The following TMCO5A variants were observed in gnomAD, a reference collection of about 807,000 sequenced individuals.
The protein encoded by TMCO5A is transmembrane and coiled-coil domain-containing protein 5A.
A neutral mutation model predicts 42.3 loss-of-function variants in TMCO5A; 34 were observed. The ratio of observed to expected loss-of-function variants is 0.80; its 90% CI spans 0.61 to 1.07. The LOEUF (loss-of-function observed/expected upper bound fraction) is 1.07. Ranked by LOEUF, TMCO5A falls within the 50% of genes least tolerant of loss-of-function variation. The pLI, the probability that TMCO5A is intolerant of heterozygous loss-of-function variation, is 0.00. For missense variants in TMCO5A, 357 were observed against 327.9 expected (o/e 1.09, Z -0.69); for synonymous variants, 131 against 115.6 (o/e 1.13, Z -0.86).
At chr15:38,027,872 A>G in the TMCO5A span, among the ~76,000 whole-genome samples, 1 of 152,016 alleles carries the variant, frequency 6.6e-6, no homozygotes, top group African/African-American at 2.4e-5. Flanking sequence ...GCCATGTAAG[A>G]CGTGCCTTTG....
At chr15:37,938,462 A>G (rs867310129) in intron 6 of TMCO5A, among the ~76,000 whole-genome samples, 6 of 152,132 alleles carry the variant, frequency 3.9e-5, no homozygotes, top group African/African-American at 1.4e-4. Flanking sequence ...GCACAAATGC[A>G]TATGTAAAAT....
the TMCO5A span, among the ~76,000 whole-genome samples, chr15:37,979,369 T>C: frequency 6.6e-6 from 1 of 151,944 alleles, no homozygotes; most frequent in Non-Finnish European, 1.5e-5. Context: ...CCGAGGGCAG[T>C]GCAGGGCTGC....
downstream of TMCO5A, among the ~76,000 whole-genome samples, chr15:37,969,189 T>C (rs1417034093): frequency 6.6e-6 from 1 of 152,160 alleles, no homozygotes; most frequent in Non-Finnish European, 1.5e-5. Context: ...AAAAATGACA[T>C]GCCACATATT....
downstream of TMCO5A, among the ~76,000 whole-genome samples, chr15:37,952,707 A>C (rs1246924768): frequency 6.6e-6 from 1 of 152,166 alleles, no homozygotes; most frequent in Admixed American, 6.5e-5. Context: ...AGCAAAGTGG[A>C]CTTTGTCTTC....
At chr15:37,957,901 T>G (rs374857173) in intron 11 of TMCO5A, among the ~76,000 whole-genome samples, 1 of 151,706 alleles carries the variant, frequency 6.6e-6, no homozygotes, top group Non-Finnish European at 1.5e-5. Flanking sequence ...ATATATAGAC[T>G]AATGGAACAG....
chr15:38,033,456 C>CAT, the TMCO5A span, among the ~76,000 whole-genome samples: 1 of 152,076 alleles, frequency 6.6e-6, no homozygotes, highest in Non-Finnish European at 1.5e-5. Flanking sequence ...CACCTAGAAA[C>CAT]ATATGAGAAT....
At chr15:37,996,967 C>T in the TMCO5A span, among the ~76,000 whole-genome samples, 1 of 152,174 alleles carries the variant, frequency 6.6e-6, no homozygotes, top group African/African-American at 2.4e-5. Context: ...AACATACATT[C>T]TAACTGAGAA....
At chr15:37,995,898 G>A in the TMCO5A span, among the ~76,000 whole-genome samples, 2 of 151,552 alleles carry the variant, frequency 1.3e-5, no homozygotes, top group African/African-American at 2.4e-5. Context: ...TCCACACGAT[G>A]GTGCTAGCCT....
chr15:37,986,027 G>GA, the TMCO5A span, among the ~76,000 whole-genome samples: 1 of 151,806 alleles, frequency 6.6e-6, no homozygotes, highest in Non-Finnish European at 1.5e-5. Flanking sequence ...TTTGGAACTA[G>GA]AAAAAAACAA....
At chr15:37,948,472 C>G (rs953192174) in intron 11 of TMCO5A, among the ~76,000 whole-genome samples, 1 of 152,012 alleles carries the variant, frequency 6.6e-6, no homozygotes, top group Non-Finnish European at 1.5e-5. Flanking sequence ...CCCCTTCATA[C>G]CAGATAAATG....
In TMCO5A at chr15:37,951,203, C is replaced by T. The variant is rs1240940932; in HGVS notation, c.836C>T (p.Thr279Ile). ...KLRCFFFPSL[T>I]LETEDMLPH ...AGATGCTTCTTCTTTCCATCTCTCACACTTGAGACAGAGGACATGTTACCC... is the reference window on the plus strand; with the variant it reads ...AGATGCTTCTTCTTTCCATCTCTCATACTTGAGACAGAGGACATGTTACCC... The change falls in exon 12 of 12, where the codon ACA (threonine) becomes ATA (isoleucine). Residue 279 changes from threonine (T) to isoleucine (I), a missense_variant. Transcript: ENST00000319669. 1.3e-5 allele frequency: 21 copies of T among 1,613,690 alleles called. No individual in the cohort carries two copies. The highest frequency in any genetic ancestry group is 1.6e-5 in the Non-Finnish European group (19 of 1,179,848).
downstream of TMCO5A, among the ~76,000 whole-genome samples, chr15:37,970,673 A>C (rs1433390470): frequency 6.6e-6 from 1 of 152,214 alleles, no homozygotes; most frequent in Non-Finnish European, 1.5e-5. Context: ...TACTTCCTAG[A>C]GACAATGGGG....
chr15:37,961,595 G>A (rs114534978), intron 11 of TMCO5A, among the ~76,000 whole-genome samples: 2,128 of 151,706 alleles, frequency 0.014, 57 homozygotes, highest in African/African-American at 0.049. Context: ...ATTTTGATGG[G>A]GATTGCATTC....
chr15:38,033,806 G>T, the TMCO5A span, among the ~76,000 whole-genome samples: 68 of 151,996 alleles, frequency 4.5e-4, no homozygotes, highest in African/African-American at 1.6e-3. Context: ...TAGAGACAGG[G>T]TTTCACCATG....
chr15:37,957,442 C>A (rs1425960445), intron 11 of TMCO5A, among the ~76,000 whole-genome samples: 2 of 17,816 alleles, frequency 1.1e-4, no homozygotes, highest in Non-Finnish European at 6.8e-4. Flanking sequence ...TCCTGTACAC[C>A]AATAATAGAC....
At chr15:37,958,933 G>A (rs949387988) in intron 11 of TMCO5A, among the ~76,000 whole-genome samples, 1 of 152,050 alleles carries the variant, frequency 6.6e-6, no homozygotes, top group East Asian at 1.9e-4. Context: ...GGACTACTAT[G>A]CAGCCATAAA....
chr15:37,963,243 G>T (rs553061340), intron 11 of TMCO5A, among the ~76,000 whole-genome samples: 1 of 151,952 alleles, frequency 6.6e-6, no homozygotes, highest in Non-Finnish European at 1.5e-5. Flanking sequence ...TGTTTTGACA[G>T]GTTGTGTCAT....
At chr15:38,034,749 C>T in the TMCO5A span, among the ~76,000 whole-genome samples, 2 of 152,180 alleles carry the variant, frequency 1.3e-5, no homozygotes, top group African/African-American at 2.4e-5. Context: ...TACCAGACAG[C>T]TCCACCAGGA....
chr15:37,996,570 T>C, the TMCO5A span, among the ~76,000 whole-genome samples: 1 of 152,206 alleles, frequency 6.6e-6, no homozygotes, highest in African/African-American at 2.4e-5. Context: ...TGCTAAATAG[T>C]GCTTAGGTAA....
Sources: allele counts gnomAD v4.1 joint callset (sites outside exome capture counted in the v4.1 genomes callset), GRCh38; gene constraint gnomAD v4.1.1; transcripts MANE v1.5; gene names NCBI Gene and HGNC (gene_info 2026-07-23, HGNC 2026-07-21).